The following PATJ variants were observed in gnomAD, a reference collection of about 807,000 sequenced individuals.
PATJ encodes the protein inaD-like protein.
PATJ carries 190 observed loss-of-function variants against 224.9 expected under a neutral mutation model. That is an observed-to-expected ratio of 0.84 (90% confidence interval 0.75 to 0.95). The LOEUF is 0.95. Ranked by LOEUF, PATJ falls within the 40% of genes least tolerant of loss-of-function variation. The pLI is 0.00. For synonymous variants in PATJ, 769 were observed against 820.3 expected (o/e 0.94, Z 1.07); for missense variants, 2,121 against 2,270.3 (o/e 0.93, Z 1.34).
intron 30 of PATJ, chr1:62,038,346 T>C (rs1650833583): frequency 5.0e-6 from 1 of 201,700 alleles, no homozygotes; most frequent in Non-Finnish European, 9.8e-6. Flanking sequence ...TGTTTATGAC[T>C]GAATTGTACC....
chr1:62,090,388 G>A (rs1660585233), intron 33 of PATJ, among the ~76,000 whole-genome samples: 1 of 152,082 alleles, frequency 6.6e-6, no homozygotes, highest in Admixed American at 6.5e-5. Flanking sequence ...TGTCCTAGAA[G>A]AGCTCACACA....
intron 9 of PATJ, among the ~76,000 whole-genome samples, chr1:61,794,862 C>T (rs1336186353): frequency 6.6e-6 from 1 of 151,880 alleles, no homozygotes; most frequent in Non-Finnish European, 1.5e-5. Flanking sequence ...GTGGTGGGCG[C>T]CTGTAATTCC....
intron 13 of PATJ, among the ~76,000 whole-genome samples, chr1:61,807,639 G>C (rs1273194897): frequency 6.6e-6 from 1 of 152,158 alleles, no homozygotes; most frequent in East Asian, 1.9e-4. Context: ...CCGAGGAATG[G>C]TTGGCAGAAA....
At chr1:62,157,052 G>A (rs568386611) in intron 43 of PATJ, among the ~76,000 whole-genome samples, 2 of 150,174 alleles carry the variant, frequency 1.3e-5, no homozygotes, top group African/African-American at 2.5e-5. Context: ...GGCCGGGCAC[G>A]GTGGCTCACG....
At chr1:61,856,903 T>C (rs1247287958) in intron 18 of PATJ, among the ~76,000 whole-genome samples, 1 of 152,208 alleles carries the variant, frequency 6.6e-6, no homozygotes, top group Non-Finnish European at 1.5e-5. Flanking sequence ...TTCTTATATG[T>C]AAATTAAAAT....
intron 31 of PATJ, among the ~76,000 whole-genome samples, chr1:62,065,008 G>A (rs1157040059): frequency 6.6e-6 from 1 of 152,208 alleles, no homozygotes; most frequent in East Asian, 1.9e-4. Context: ...CAATGGCAGA[G>A]TTCAAGTGCA....
chr1:62,106,246 G>A (rs1190378842), intron 33 of PATJ, among the ~76,000 whole-genome samples: 1 of 130,002 alleles, frequency 7.7e-6, no homozygotes, highest in Non-Finnish European at 1.7e-5. Flanking sequence ...AAGGCAGGAG[G>A]ATTGCTTGAG....
At chr1:61,912,690 A>G (rs903059427) in intron 25 of PATJ, among the ~76,000 whole-genome samples, 4 of 37,160 alleles carry the variant, frequency 1.1e-4, no homozygotes, top group South Asian at 1.2e-3. Context: ...AGGGGAGGGG[A>G]GGGAAGAGGG....
At chr1:62,027,507 G>A (rs754217930) in intron 29 of PATJ, among the ~76,000 whole-genome samples, 5 of 151,702 alleles carry the variant, frequency 3.3e-5, no homozygotes, top group Admixed American at 2.0e-4. Flanking sequence ...GAGTCATACA[G>A]TTATTCTATT....
intron 31 of PATJ, among the ~76,000 whole-genome samples, chr1:62,059,327 G>A (rs1051351664): frequency 3.3e-5 from 5 of 152,092 alleles, no homozygotes; most frequent in Non-Finnish European, 7.4e-5. Context: ...GGTGCCCTTT[G>A]AAAAATCGGT....
rs1320171065 is a variant in PATJ at position 62,010,497 on chromosome 1, A to G, written c.3868-7359A>G. Reference sequence around the variant, plus strand: ...TCTACTCTCTGTCTTCATGAAATCTACTTTTTTAGCTCCCACATATGAGTG... The same window carrying G: ...TCTACTCTCTGTCTTCATGAAATCTGCTTTTTTAGCTCCCACATATGAGTG... On this transcript the variant is annotated intron_variant, in intron 28 of 43. Transcript: ENST00000642238. Among the ~76,000 whole-genome samples, 6 of 143,848 alleles carry G rather than the reference A, an allele frequency of 4.2e-5. No homozygotes were observed. The East Asian group carries it at 1.2e-3, about 29-fold the overall frequency. 94.4% of individuals were successfully genotyped at this position (143,848 alleles called of 152,430 possible).
At chr1:61,795,629 TGA>T (rs1272874003) in intron 10 of PATJ, 71 bp downstream of exon 10, 1 of 881,002 alleles carries the variant, frequency 1.1e-6, no homozygotes, top group Non-Finnish European at 1.9e-6. Flanking sequence ...ATAATACATG[TGA>T]GAGGGGGAAT....
At chr1:62,118,192 C>CTTTT (rs199756213) in intron 37 of PATJ, among the ~76,000 whole-genome samples, 5,229 of 146,042 alleles carry the variant, frequency 0.036, 282 homozygotes, top group African/African-American at 0.12. Flanking sequence ...GTTTGAAACA[C>CTTTT]TTTTTTTTTT....
At chr1:61,926,503 G>A (rs978815779) in intron 26 of PATJ, among the ~76,000 whole-genome samples, 1 of 151,952 alleles carries the variant, frequency 6.6e-6, no homozygotes, top group African/African-American at 2.4e-5. Flanking sequence ...TGAGGAAAAG[G>A]TTTACTGAAA....
At chr1:61,987,507 A>G (rs1031066534) in intron 27 of PATJ, among the ~76,000 whole-genome samples, 3 of 152,134 alleles carry the variant, frequency 2.0e-5, no homozygotes, top group South Asian at 4.1e-4. Flanking sequence ...ATCTTACCCT[A>G]TAAGTCCAAT....
At chr1:61,906,776 G>C (rs1173232416) in intron 24 of PATJ, among the ~76,000 whole-genome samples, 2 of 152,138 alleles carry the variant, frequency 1.3e-5, no homozygotes, top group East Asian at 1.9e-4. Context: ...ACCAGCCATG[G>C]TATCTGGTCT....
rs1163415331 is a variant in PATJ, at chr1:61,960,663, C to CA, written c.3671-29489dup. Among the ~76,000 whole-genome samples, 959 of 98,346 alleles carry CA rather than the reference C, an allele frequency of 9.8e-3. 7 individuals are homozygous for CA. Among genetic ancestry groups the CA allele is most frequent in the African/African-American group, 0.026 (689 of 26,438 alleles). 64.5% of individuals were successfully genotyped at this position (98,346 alleles called of 152,430 possible). A position where few individuals can be genotyped will look rare whatever the true frequency, so the allele number is the denominator to read the frequency against. On this transcript the variant is annotated intron_variant, in intron 27 of 43. Transcript: ENST00000642238. ...GGGCAACAAAAGCGAAACTCCATCTCAAAAAAAAAAAAAAAAGTTTTACCT... is the reference window on the plus strand; with the variant it reads ...GGGCAACAAAAGCGAAACTCCATCTCAAAAAAAAAAAAAAAAAGTTTTACCT...
At chr1:61,945,429 C>T (rs1490644906) in intron 27 of PATJ, among the ~76,000 whole-genome samples, 1 of 152,018 alleles carries the variant, frequency 6.6e-6, no homozygotes, top group Non-Finnish European at 1.5e-5. Flanking sequence ...GGTTGCAATC[C>T]TAGTCTCTGA....
chr1:62,073,036 G>A, intron 31 of PATJ: 2 of 985,374 alleles, frequency 2.0e-6, no homozygotes, highest in Non-Finnish European at 2.4e-6. Flanking sequence ...CATGTCCCAG[G>A]TGATTGGTCA....
Sources: gnomAD v4.1 joint callset for allele counts (sites outside exome capture counted in the v4.1 genomes callset) on GRCh38, gnomAD v4.1.1 for gene constraint, MANE v1.5 for transcripts, NCBI Gene and HGNC (gene_info 2026-07-23, HGNC 2026-07-21) for gene names.